The following LBHD1 variants were observed in gnomAD, a reference collection of about 807,000 sequenced individuals.
The protein encoded by LBHD1 is LBH domain containing 1.
A neutral mutation model predicts 31.1 loss-of-function variants in LBHD1; 28 were observed. The observed-to-expected ratio is 0.90, with a 90% CI of 0.67 to 1.24. The LOEUF (loss-of-function observed/expected upper bound fraction) is 1.24. Among genes scored for constraint, LBHD1 ranks in the 50% most tolerant of loss-of-function variants. The pLI is 0.00. For synonymous variants in LBHD1, 105 were observed against 116.5 expected (o/e 0.90, Z 0.63); for missense variants, 350 against 323.0 (o/e 1.08, Z -0.64).
At chr11:62,666,122 C>G in intron 4 of LBHD1, 2 of 819,976 alleles carry the variant, frequency 2.4e-6, no homozygotes, top group Non-Finnish European at 3.8e-6. Context: ...CCGAGGCGGG[C>G]AGATCGCTTG....
In LBHD1 at chr11:62,671,621, G is replaced by C. The variant is rs1944945128; in HGVS notation, c.-68C>G. On this transcript the variant is annotated 5_prime_UTR_variant, in exon 1 of 7. Transcript: ENST00000354588. ...TCCTCGAGCAGGTCCTCTCTAGCCG[G>C]CCGCTTATCTATGGTTTCTGCTATA... is the stretch of plus-strand genomic sequence containing the variant. The C allele has an allele frequency of 6.6e-7, 1 of 1,505,848 alleles. No homozygotes were observed. Among genetic ancestry groups the C allele is most frequent in the East Asian group, 2.3e-5 (1 of 43,858 alleles). The allele number at this position is 1,505,848 out of a possible 1,614,324, so 93.3% of individuals were successfully genotyped here.
chr11:62,667,292 C>A, intron 4 of LBHD1: 1 of 638,890 alleles, frequency 1.6e-6, no homozygotes, highest in Non-Finnish European at 2.7e-6. Flanking sequence ...AAAATGAATG[C>A]TGAAAAGAGA....
intron 4 of LBHD1, 63 bp downstream of exon 4, chr11:62,667,460 G>T: frequency 1.3e-6 from 2 of 1,518,166 alleles, no homozygotes; most frequent in Admixed American, 1.7e-5. Flanking sequence ...ATTGTAAGAG[G>T]ATGGGTATAA....
intron 3 of LBHD1, among the ~76,000 whole-genome samples, chr11:62,668,678 C>T (rs1352912316): frequency 6.6e-6 from 1 of 150,662 alleles, no homozygotes; most frequent in Non-Finnish European, 1.5e-5. Flanking sequence ...TGGCGGGTGC[C>T]TGTAGTCCCA....
chr11:62,666,538 G>T (rs771411834), intron 4 of LBHD1: 1 of 1,614,198 alleles, frequency 6.2e-7, no homozygotes, highest in Non-Finnish European at 8.5e-7. Flanking sequence ...TGCTGCAGGA[G>T]GCACAGGCTG....
At chr11:62,669,537 T>G in intron 3 of LBHD1, 104 bp downstream of exon 3, 1 of 1,516,632 alleles carries the variant, frequency 6.6e-7, no homozygotes, top group African/African-American at 1.4e-5. Flanking sequence ...GCACCTGCTG[T>G]GTGCCTGGCA....
At position 62,665,727 on chromosome 11, in the gene LBHD1, C is replaced by CT. The variant is rs1244946920; in HGVS notation, c.539-755dup. On this transcript the variant is annotated intron_variant, in intron 4 of 6. Transcript: ENST00000354588. Reference sequence around the variant, plus strand: ...TCCTACCATAGTCTGTGTCCGCGTTCTTTTTTCCGGGACTGCAGAGTTCGG... The same window carrying CT: ...TCCTACCATAGTCTGTGTCCGCGTTCTTTTTTTCCGGGACTGCAGAGTTCGG... The CT allele has an allele frequency of 2.8e-5, 41 of 1,464,608 alleles. No individual in the cohort carries two copies. In the South Asian group the frequency reaches 4.6e-4, roughly 17 times the overall value. 90.7% of individuals were successfully genotyped at this position (1,464,608 alleles called of 1,614,324 possible).
chr11:62,672,191 C>A lies in LBHD1; in HGVS notation c.-638G>T. ...GAGGCAGCCTTTCTCCTTCGTGGGC[C>A]CAGCGGAGAGTCCGGACCGAGATAC... On this transcript the variant is annotated 5_prime_UTR_variant, in exon 1 of 7. Transcript: ENST00000354588. The A allele has an allele frequency of 7.0e-7, 1 of 1,432,830 alleles. No homozygotes were observed. Among genetic ancestry groups the A allele is most frequent in the Non-Finnish European group, 9.4e-7 (1 of 1,062,628 alleles). 88.8% of individuals were successfully genotyped at this position (1,432,830 alleles called of 1,614,324 possible). A position where few individuals can be genotyped will look rare whatever the true frequency, so the allele number is the denominator to read the frequency against.
rs1565128783 is a variant in LBHD1 at position 62,667,612 on chromosome 11, T to C, written c.449A>G (p.His150Arg). The C allele has an allele frequency of 3.7e-6, 6 of 1,614,090 alleles. No homozygotes were observed. Among genetic ancestry groups the C allele is most frequent in the Non-Finnish European group, 5.1e-6 (6 of 1,180,016 alleles). The change falls in exon 4 of 7, where the codon CAC becomes CGC. Residue 150 changes from histidine to arginine, a missense_variant. Transcript: ENST00000354588. ...EDTACLEATN[H>R]CPFWDSTGSR... ...GCCTGTTGAGTCCCAGAAGGGACAG[T>C]GGTTGGTGGCTTCCAGACATGCTGT...
Position 62,664,850 on chromosome 11 carries a change from C to T in LBHD1, c.662G>A (p.Gly221Asp). Reference sequence around the variant, plus strand: ...ACAGGAAGAGGGTCTAGTACTTACGCCCGCTTCTTGAGGTGGTGCCGCGTG... The same window carrying T: ...ACAGGAAGAGGGTCTAGTACTTACGTCCGCTTCTTGAGGTGGTGCCGCGTG... Reference protein sequence around the residue: ...ADHAAPPQEAGVQCTCQHYTV... With the variant: ...ADHAAPPQEADVQCTCQHYTV... Residue 221 changes from glycine to aspartate, a missense_variant and splice_region_variant, in exon 5 of 7, where the codon GGC (glycine) becomes GAC (aspartate). Coordinates refer to ENST00000354588, the MANE Select transcript of LBHD1 (RefSeq NM_024099.5). 1 of 1,565,932 alleles carries T rather than the reference C, an allele frequency of 6.4e-7. No homozygotes were observed. The highest frequency in any genetic ancestry group is 8.7e-7 in the Non-Finnish European group (1 of 1,154,852).
intron 3 of LBHD1, chr11:62,668,189 T>C (rs1381008546): frequency 5.7e-6 from 1 of 174,136 alleles, no homozygotes; most frequent in African/African-American, 2.4e-5. Flanking sequence ...TAAAAGTGTT[T>C]AGCATAGTAC....
rs1256001181 is a variant in LBHD1, at chr11:62,671,563, C to T, written c.-11+1G>A. 4 of 1,438,132 alleles carry T rather than the reference C, an allele frequency of 2.8e-6. No homozygotes were observed. Among genetic ancestry groups the T allele is most frequent in the African/African-American group, 2.9e-5 (2 of 69,848 alleles). The allele number at this position is 1,438,132 out of a possible 1,614,324, so 89.1% of individuals were successfully genotyped here. A position where few individuals can be genotyped will look rare whatever the true frequency, so the allele number is the denominator to read the frequency against. On this transcript the variant is annotated splice_donor_variant, in intron 1 of 6. Coordinates refer to ENST00000354588, the MANE Select transcript of LBHD1 (RefSeq NM_024099.5). LOFTEE classifies it low-confidence loss of function (5UTR_SPLICE). ...GGACACCTCAACCCCCTCAGCTAAA[C>T]CTGAGATCCAAGCGCTCCGGATTCC... is the stretch of plus-strand genomic sequence containing the variant.
At chr11:62,663,675 C>A (rs995099659) in intron 5 of LBHD1, among the ~76,000 whole-genome samples, 18 of 106,438 alleles carry the variant, frequency 1.7e-4, no homozygotes, top group Admixed American at 4.6e-4. Context: ...GCCTGGGCGA[C>A]AAAGCGAGAC....
At position 62,669,687 on chromosome 11, in the gene LBHD1, C is replaced by G. The variant is rs757564579; in HGVS notation, c.267G>C (p.Glu89Asp). 3.0e-5 allele frequency: 49 copies of G among 1,614,092 alleles called. No individual in the cohort carries two copies. The highest frequency in any genetic ancestry group is 4.0e-5 in the Non-Finnish European group (47 of 1,180,032). The change falls in exon 3 of 7, where the codon GAG (glutamate) becomes GAC (aspartate). Residue 89 changes from glutamate (E) to aspartate (D), a missense_variant. Transcript: ENST00000354588. ...GGAAGAAGGCCTCAGCATCCTCTTC[C>G]TCACCATCAGTGAGCAGCAGCAGCT... ...HEELLLLTDG[E>D]EEDAEAFFQD... is the part of the protein sequence containing the mutation.
intron 4 of LBHD1, chr11:62,665,420 A>G: frequency 1.3e-6 from 2 of 1,495,758 alleles, no homozygotes; most frequent in South Asian, 2.3e-5. Context: ...GGGTCTCAGG[A>G]CCCTCCTTTT....
intron 4 of LBHD1, chr11:62,666,872 T>A (rs749161623): frequency 1.9e-6 from 3 of 1,614,040 alleles, no homozygotes; most frequent in African/African-American, 1.3e-5. Flanking sequence ...CCAGCTTCTA[T>A]CAGAATGCTT....
rs993440245 is a variant in LBHD1, at chr11:62,666,046, G to C, written c.539-1073C>G. The stretch of plus-strand genomic sequence containing the variant: ...TCAGGAGTGTAGTCCCTGAAATTGT[G>C]ATTCTCAAACCCTACGGTGGGCCGT... On this transcript the variant is annotated intron_variant, in intron 4 of 6. Transcript: ENST00000354588. 22 of 1,348,422 alleles carry C rather than the reference G, an allele frequency of 1.6e-5. No homozygotes were observed. The South Asian group carries it at 2.6e-4, about 16-fold the overall frequency. The allele number at this position is 1,348,422 out of a possible 1,614,324, so 83.5% of individuals were successfully genotyped here.
intron 4 of LBHD1, chr11:62,666,557 C>T (rs1370043836): frequency 2.5e-6 from 4 of 1,614,058 alleles, no homozygotes; most frequent in Non-Finnish European, 3.4e-6. Flanking sequence ...TGCCAGTCCT[C>T]TGCGAGTGCT....
intron 4 of LBHD1, chr11:62,665,591 C>T: frequency 6.4e-7 from 1 of 1,567,910 alleles, no homozygotes; most frequent in Non-Finnish European, 8.6e-7. Context: ...AGAAGGACAA[C>T]CGAGATCCAG....
Sources: allele counts gnomAD v4.1 joint callset (sites outside exome capture counted in the v4.1 genomes callset), GRCh38; gene constraint gnomAD v4.1.1; transcripts MANE v1.5; gene names NCBI Gene and HGNC (gene_info 2026-07-23, HGNC 2026-07-21).